Variants in SLC24A2 observed in about 807,000 individuals in gnomAD.
SLC24A2 encodes the protein solute carrier family 24 member 2.
Under a neutral mutation model 62.0 loss-of-function variants are expected in SLC24A2, and 36 were observed. The observed-to-expected ratio is 0.58, with a 90% CI of 0.44 to 0.77. The LOEUF is 0.77. Among genes scored for constraint, SLC24A2 ranks in the 30% least tolerant of loss-of-function variants. The pLI, the probability that SLC24A2 is intolerant of heterozygous loss-of-function variation, is 0.00. For synonymous variants in SLC24A2, 358 were observed against 294.0 expected (o/e 1.22, Z -2.23); for missense variants, 846 against 817.9 (o/e 1.03, Z -0.42).
At chr9:19,631,566 C>G (rs539918841) in intron 2 of SLC24A2, among the ~76,000 whole-genome samples, 1 of 152,288 alleles carries the variant, frequency 6.6e-6, no homozygotes, top group African/African-American at 2.4e-5. Flanking sequence ...CTTTATACTT[C>G]CAATTTTGCC....
At chr9:19,626,181 A>G (rs1818030079) in intron 2 of SLC24A2, among the ~76,000 whole-genome samples, 2 of 152,238 alleles carry the variant, frequency 1.3e-5, no homozygotes, top group Non-Finnish European at 2.9e-5. Context: ...TTTGCTGACT[A>G]TAAAGTGTAG....
chr9:20,174,930 G>A, the SLC24A2 span, among the ~76,000 whole-genome samples: 2 of 151,618 alleles, frequency 1.3e-5, no homozygotes, highest in Non-Finnish European at 2.9e-5. Flanking sequence ...ATTCACAATT[G>A]CAAAAATGTG....
At chr9:19,588,791 T>C (rs974142757) in intron 5 of SLC24A2, among the ~76,000 whole-genome samples, 3 of 152,076 alleles carry the variant, frequency 2.0e-5, no homozygotes, top group Non-Finnish European at 4.4e-5. Flanking sequence ...TGAAACCCCG[T>C]CTCTACTAAA....
intron 7 of SLC24A2, among the ~76,000 whole-genome samples, chr9:19,556,373 G>A (rs16937603): frequency 3.3e-5 from 5 of 152,086 alleles, no homozygotes; most frequent in African/African-American, 4.8e-5. Flanking sequence ...GAGGCAACCC[G>A]GTTTCTTATT....
intron 2 of SLC24A2, among the ~76,000 whole-genome samples, chr9:19,739,439 C>T (rs531186277): frequency 6.6e-6 from 1 of 152,248 alleles, no homozygotes; most frequent in African/African-American, 2.4e-5. Flanking sequence ...TCAGATATCT[C>T]AATCTTTATT....
At chr9:19,961,991 T>C in the SLC24A2 span, among the ~76,000 whole-genome samples, 1 of 152,200 alleles carries the variant, frequency 6.6e-6, no homozygotes, top group African/African-American at 2.4e-5. Flanking sequence ...ATAATATATG[T>C]TGTTTTAAGC....
the SLC24A2 span, among the ~76,000 whole-genome samples, chr9:19,889,049 CA>C: frequency 1.3e-5 from 2 of 152,172 alleles, no homozygotes; most frequent in Non-Finnish European, 2.9e-5. Context: ...CCCAGACCAT[CA>C]GTGTGAGCTA....
At chr9:20,161,042 C>T in the SLC24A2 span, among the ~76,000 whole-genome samples, 1 of 151,176 alleles carries the variant, frequency 6.6e-6, no homozygotes, top group African/African-American at 2.4e-5. Context: ...AATGACATGA[C>T]TTGGAGGAAT....
Position 19,520,961 on chromosome 9 carries a change from G to T in SLC24A2, c.1669C>A (p.Arg557=). 6.2e-7 allele frequency: 1 copy of T among 1,613,972 alleles called. No individual in the cohort carries two copies. Among genetic ancestry groups the T allele is most frequent in the Non-Finnish European group, 8.5e-7 (1 of 1,179,978 alleles). ...PDLITSVIVA[R]KGLGDMAVSS... ...ACAGCCATGTCCCCTAACCCCTTCC[G>T]GGCCACTATGACACTGGTGATAAGA... is the stretch of plus-strand genomic sequence containing the variant. The change falls in exon 10 of 11, where the codon CGG becomes AGG. Residue 557 remains arginine (R), a synonymous_variant. Coordinates refer to ENST00000341998, the MANE Select transcript of SLC24A2 (RefSeq NM_020344.4).
the SLC24A2 span, among the ~76,000 whole-genome samples, chr9:20,050,033 G>C: frequency 6.6e-6 from 1 of 152,034 alleles, no homozygotes; most frequent in Non-Finnish European, 1.5e-5. Flanking sequence ...TCACCCTATG[G>C]ACTGGAGCAG....
At chr9:19,944,226 T>A in the SLC24A2 span, among the ~76,000 whole-genome samples, 1 of 152,068 alleles carries the variant, frequency 6.6e-6, no homozygotes, top group Non-Finnish European at 1.5e-5. Flanking sequence ...CTTTAAGTAA[T>A]CAAAGCAGCT....
chr9:19,670,968 T>G (rs1328780338), intron 2 of SLC24A2, among the ~76,000 whole-genome samples: 2 of 152,130 alleles, frequency 1.3e-5, no homozygotes, highest in African/African-American at 2.4e-5. Flanking sequence ...GTTAATTCTG[T>G]GATCATTTAC....
At chr9:20,228,637 G>A in the SLC24A2 span, among the ~76,000 whole-genome samples, 6 of 152,044 alleles carry the variant, frequency 3.9e-5, no homozygotes, top group African/African-American at 9.7e-5. Flanking sequence ...AAGGGTGAAC[G>A]CCCCATTGTC....
the SLC24A2 span, among the ~76,000 whole-genome samples, chr9:20,218,697 G>A: frequency 0.24 from 36,085 of 152,056 alleles, 5,455 homozygotes; most frequent in East Asian, 0.67. Flanking sequence ...AGCCAAAGAA[G>A]GGTGCCCATA....
chr9:20,224,716 G>A, the SLC24A2 span, among the ~76,000 whole-genome samples: 2 of 151,904 alleles, frequency 1.3e-5, no homozygotes, highest in African/African-American at 4.8e-5. Context: ...GATGGAGGGA[G>A]GGAAGAGGAA....
the SLC24A2 span, among the ~76,000 whole-genome samples, chr9:20,254,578 T>C: frequency 6.6e-6 from 1 of 152,042 alleles, no homozygotes; most frequent in African/African-American, 2.4e-5. Flanking sequence ...CTGCTTCAGG[T>C]GGTGAAGGGA....
chr9:19,744,944 G>A (rs1821788996), intron 2 of SLC24A2, among the ~76,000 whole-genome samples: 1 of 152,136 alleles, frequency 6.6e-6, no homozygotes, highest in South Asian at 2.1e-4. Context: ...AGGTCACTAG[G>A]AAGTTTCTAA....
chr9:19,788,625 T>G, intron 1 of SLC24A2: 1 of 984,776 alleles, frequency 1.0e-6, no homozygotes. Flanking sequence ...AGCGCCCCTC[T>G]GCGCGTCTCC....
At chr9:20,165,799 TA>T in the SLC24A2 span, among the ~76,000 whole-genome samples, 1 of 151,804 alleles carries the variant, frequency 6.6e-6, no homozygotes. Context: ...TTTGATCACA[TA>T]AAAGTAAAAG....
Sources: gnomAD v4.1 joint callset for allele counts (sites outside exome capture counted in the v4.1 genomes callset) on GRCh38, gnomAD v4.1.1 for gene constraint, MANE v1.5 for transcripts, NCBI Gene and HGNC (gene_info 2026-07-23, HGNC 2026-07-21) for gene names.